DSCAM: variants seen among roughly 807,000 people sequenced by gnomAD.
DSCAM encodes the protein cell adhesion molecule DSCAM.
In DSCAM, 47 loss-of-function variants were observed where a neutral mutation model predicts 217.7. The ratio of observed to expected loss-of-function variants is 0.22; its 90% CI spans 0.17 to 0.28. The LOEUF is 0.28. DSCAM is among the 10% of genes least tolerant of loss of function. The pLI, the probability that DSCAM is intolerant of heterozygous loss-of-function variation, is 1.00. For synonymous variants in DSCAM, 1,056 were observed against 1,015.3 expected, an observed-to-expected ratio of 1.04 and a Z score of -0.76; for missense variants, 2,080 against 2,618.3, an observed-to-expected ratio of 0.79 and a Z score of 4.49.
At chr21:40,204,815 G>A (rs1455049214) in intron 11 of DSCAM, among the ~76,000 whole-genome samples, 1 of 152,180 alleles carries the variant, frequency 6.6e-6, no homozygotes, top group Admixed American at 6.5e-5. Context: ...ACAAGCAAGT[G>A]TGTCTGCACA....
chr21:40,154,199 T>C (rs951852808), intron 16 of DSCAM, among the ~76,000 whole-genome samples: 48 of 150,514 alleles, frequency 3.2e-4, no homozygotes, highest in African/African-American at 1.1e-3. Flanking sequence ...CTTCCTTCCT[T>C]CCTCCCTTCC....
rs1342114430 is a variant in DSCAM, at chr21:40,682,597, A to AAGAGAGAAAGAGAGAG, written c.508+10212_508+10213insCTCTCTCTTTCTCTCT. 5.1e-5 allele frequency among the ~76,000 whole-genome samples: 6 copies of AAGAGAGAAAGAGAGAG among 118,434 alleles called. No homozygotes were observed. The East Asian group carries it at 9.1e-4, about 18-fold the overall frequency. 77.7% of individuals were successfully genotyped at this position (118,434 alleles called of 152,430 possible). On this transcript the variant is annotated intron_variant, in intron 3 of 32. Coordinates refer to ENST00000400454, the MANE Select transcript of DSCAM (RefSeq NM_001389.5). The stretch of plus-strand genomic sequence containing the variant: ...GGTAGAAGAGAGAAAGAGAGAGAGA[A>AAGAGAGAAAGAGAGAG]AGAGAGAAAGAAAGAAAGAGAAAGA...
chr21:40,297,652 G>A (rs933708891), intron 9 of DSCAM, among the ~76,000 whole-genome samples: 14 of 152,278 alleles, frequency 9.2e-5, no homozygotes, highest in African/African-American at 2.4e-4. Flanking sequence ...CCAACGTGAC[G>A]ATCGCTTTGG....
intron 9 of DSCAM, among the ~76,000 whole-genome samples, chr21:40,304,931 A>G (rs2074055555): frequency 6.6e-6 from 1 of 152,290 alleles, no homozygotes; most frequent in Admixed American, 6.5e-5. Flanking sequence ...TAACAGACAT[A>G]ATAATAATGA....
chr21:40,265,500 A>C (rs1378091967), intron 11 of DSCAM, among the ~76,000 whole-genome samples: 5 of 152,100 alleles, frequency 3.3e-5, no homozygotes, highest in Non-Finnish European at 7.4e-5. Flanking sequence ...AAAAACATAA[A>C]ATTCATAGGG....
At chr21:40,837,319 GCC>G in intron 1 of DSCAM, among the ~76,000 whole-genome samples, 1 of 152,180 alleles carries the variant, frequency 6.6e-6, no homozygotes, top group African/African-American at 2.4e-5. Context: ...AGAGTGTGGG[GCC>G]CCTCGTGCCT....
chr21:40,807,860 A>G (rs1444918505), intron 1 of DSCAM, among the ~76,000 whole-genome samples: 16 of 152,134 alleles, frequency 1.1e-4, no homozygotes, highest in African/African-American at 3.6e-4. Flanking sequence ...ATATTATAGC[A>G]TGCTATTGTG....
At chr21:40,762,864 T>G (rs2091349005) in intron 1 of DSCAM, among the ~76,000 whole-genome samples, 1 of 152,202 alleles carries the variant, frequency 6.6e-6, no homozygotes, top group African/African-American at 2.4e-5. Context: ...TCTCAACAGA[T>G]GCAGAAAAGG....
intron 3 of DSCAM, among the ~76,000 whole-genome samples, chr21:40,572,085 GGTGTGTGTGTGTGTGT>G (rs10553285): frequency 1.3e-5 from 2 of 148,628 alleles, no homozygotes; most frequent in East Asian, 2.0e-4. Flanking sequence ...TGTGTGTGTG[GGTGTGTGTGTGTGTGT>G]GTGTGTGTGT....
intron 3 of DSCAM, among the ~76,000 whole-genome samples, chr21:40,431,617 G>A (rs1485856623): frequency 6.6e-6 from 1 of 152,162 alleles, no homozygotes; most frequent in African/African-American, 2.4e-5. Context: ...ATGATTTTCT[G>A]AATAATGTGT....
At chr21:40,164,663 G>T (rs1363833247) in intron 16 of DSCAM, among the ~76,000 whole-genome samples, 4 of 152,198 alleles carry the variant, frequency 2.6e-5, no homozygotes, top group Non-Finnish European at 4.4e-5. Flanking sequence ...GTAGCTGGGT[G>T]TGGTGGCACA....
chr21:40,673,550 G>A (rs1193095974), intron 3 of DSCAM, among the ~76,000 whole-genome samples: 1 of 152,094 alleles, frequency 6.6e-6, no homozygotes, highest in African/African-American at 2.4e-5. Context: ...TAACATGAGT[G>A]GTCTGGTGGT....
At chr21:40,732,822 C>T (rs767871185) in intron 1 of DSCAM, among the ~76,000 whole-genome samples, 3 of 152,152 alleles carry the variant, frequency 2.0e-5, no homozygotes, top group Non-Finnish European at 2.9e-5. Context: ...GTACTTTGTG[C>T]GAGTCCTGGG....
rs547530536 is a variant in DSCAM, at chr21:40,040,000, A to G, written c.5686+2371T>C. Among the ~76,000 whole-genome samples the G allele has an allele frequency of 2.6e-4, 40 of 152,360 alleles. No individual in the cohort carries two copies. In the South Asian group the frequency reaches 6.0e-3, roughly 23 times the overall value. ...TAAAAGCACAGCTCTAGGAGCTGCTAATTGTATCACAAGCTCTAGTTAGCA... is the reference window on the plus strand; with the variant it reads ...TAAAAGCACAGCTCTAGGAGCTGCTGATTGTATCACAAGCTCTAGTTAGCA... On this transcript the variant is annotated intron_variant, in intron 32 of 32. Transcript: ENST00000400454.
intron 11 of DSCAM, among the ~76,000 whole-genome samples, chr21:40,255,736 G>A (rs77167905): frequency 2.0e-5 from 3 of 152,226 alleles, no homozygotes; most frequent in Non-Finnish European, 4.4e-5. Context: ...ATTCTGAGAT[G>A]TAAGTGATTA....
At chr21:40,731,937 G>A (rs900399762) in intron 1 of DSCAM, among the ~76,000 whole-genome samples, 6 of 152,002 alleles carry the variant, frequency 3.9e-5, no homozygotes, top group South Asian at 2.1e-4. Context: ...ACGTTGGCCC[G>A]GCTGGTCTCA....
chr21:40,156,813 A>G (rs1008084177), intron 16 of DSCAM, among the ~76,000 whole-genome samples: 8 of 152,220 alleles, frequency 5.3e-5, no homozygotes, highest in African/African-American at 1.9e-4. Context: ...TCTGTTATGC[A>G]TTAGCAAAGA....
intron 9 of DSCAM, among the ~76,000 whole-genome samples, chr21:40,307,053 CT>C (rs2074085461): frequency 6.6e-6 from 1 of 152,076 alleles, no homozygotes; most frequent in Non-Finnish European, 1.5e-5. Flanking sequence ...TAGAATTTGG[CT>C]GTGAATCCAT....
intron 3 of DSCAM, among the ~76,000 whole-genome samples, chr21:40,434,490 C>T (rs1194776034): frequency 6.6e-6 from 1 of 152,180 alleles, no homozygotes; most frequent in Non-Finnish European, 1.5e-5. Flanking sequence ...ATGCACACTA[C>T]AGGATGGTAG....
Sources: allele counts gnomAD v4.1 joint callset (sites outside exome capture counted in the v4.1 genomes callset), GRCh38; gene constraint gnomAD v4.1.1; transcripts MANE v1.5; gene names NCBI Gene and HGNC (gene_info 2026-07-23, HGNC 2026-07-21).